The following GIGYF2 variants were observed in gnomAD, a reference collection of about 807,000 sequenced individuals.
The protein encoded by GIGYF2 is GRB10-interacting GYF protein 2.
A neutral mutation model predicts 208.1 loss-of-function variants in GIGYF2; 25 were observed. That is an observed-to-expected ratio of 0.12 (90% CI 0.09 to 0.17). The LOEUF (loss-of-function observed/expected upper bound fraction) is 0.17, where lower values mean the gene tolerates loss of function less well. Among genes scored for constraint, GIGYF2 ranks in the 10% least tolerant of loss-of-function variants. The pLI is 1.00. For missense variants in GIGYF2, 1,302 were observed against 1,579.4 expected (o/e 0.82, Z 2.98); for synonymous variants, 534 against 543.8 (o/e 0.98, Z 0.25).
At chr2:232,715,778 G>A (rs1035366299) in intron 2 of GIGYF2, among the ~76,000 whole-genome samples, 1 of 150,720 alleles carries the variant, frequency 6.6e-6, no homozygotes, top group African/African-American at 2.4e-5. Context: ...GGATGCCGAA[G>A]GAAAAGGTGT....
intron 21 of GIGYF2, among the ~76,000 whole-genome samples, chr2:232,822,549 C>T (rs1345895699): frequency 1.3e-5 from 2 of 152,166 alleles, no homozygotes; most frequent in African/African-American, 4.8e-5. Flanking sequence ...GGCGTGGTGG[C>T]GTGCGCCTGT....
intron 22 of GIGYF2, among the ~76,000 whole-genome samples, chr2:232,836,286 A>ATC: frequency 1.5e-4 from 1 of 6,496 alleles, no homozygotes; most frequent in South Asian, 2.0e-3. Flanking sequence ...ATATATATAT[A>ATC]TATATATATA....
chr2:232,748,078 C>T (rs991303416), intron 4 of GIGYF2, among the ~76,000 whole-genome samples: 1 of 152,080 alleles, frequency 6.6e-6, no homozygotes, highest in African/African-American at 2.4e-5. Flanking sequence ...TTTATTGTAC[C>T]TCTTATCCTA....
intron 14 of GIGYF2, among the ~76,000 whole-genome samples, chr2:232,802,999 A>G (rs984920116): frequency 5.9e-5 from 9 of 151,932 alleles, no homozygotes; most frequent in African/African-American, 2.2e-4. Context: ...TCCCGAGCTC[A>G]AGCAGTTCTC....
intron 5 of GIGYF2, among the ~76,000 whole-genome samples, chr2:232,755,386 G>A (rs1446996274): frequency 2.0e-5 from 3 of 152,108 alleles, no homozygotes; most frequent in Non-Finnish European, 4.4e-5. Context: ...GGCCAGGCTA[G>A]TCTCGAACTC....
chr2:232,769,355 AC>A (rs1395119532), intron 8 of GIGYF2, among the ~76,000 whole-genome samples: 2 of 151,684 alleles, frequency 1.3e-5, no homozygotes, highest in African/African-American at 4.8e-5. Context: ...ACATCATGAA[AC>A]CCCGTCTCTA....
chr2:232,772,767 T>TA (rs764542996), intron 8 of GIGYF2, among the ~76,000 whole-genome samples: 4 of 152,212 alleles, frequency 2.6e-5, no homozygotes, highest in Non-Finnish European at 5.9e-5. Flanking sequence ...TAGAGGTAGA[T>TA]ACCCTTGAGA....
chr2:232,804,450 C>T (rs1046317603), intron 14 of GIGYF2, among the ~76,000 whole-genome samples: 18 of 124,760 alleles, frequency 1.4e-4, no homozygotes, highest in Admixed American at 1.2e-3. Context: ...TTTTTGTTTT[C>T]TGTTTTTTTG....
At chr2:232,825,138 C>T (rs1463072053) in intron 21 of GIGYF2, among the ~76,000 whole-genome samples, 2 of 152,204 alleles carry the variant, frequency 1.3e-5, no homozygotes, top group Admixed American at 6.5e-5. Flanking sequence ...ATGTTGTTTT[C>T]ATCCATGCCA....
intron 26 of GIGYF2, 148 bp downstream of exon 26, chr2:232,846,034 A>G (rs1401942016): frequency 1.4e-6 from 1 of 691,212 alleles, no homozygotes; most frequent in Non-Finnish European, 2.6e-6. Context: ...TGACTCTTTA[A>G]TAGTATTACT....
chr2:232,734,705 A>AT (rs1353899256), intron 2 of GIGYF2, among the ~76,000 whole-genome samples: 2 of 152,186 alleles, frequency 1.3e-5, no homozygotes, highest in African/African-American at 4.8e-5. Flanking sequence ...GGCAGAAGCT[A>AT]TGTGATAGGT....
rs553907908 is a variant in GIGYF2 at position 232,723,637 on chromosome 2, G to A, written c.-43-11518G>A. ...TAGAGACGGGGGTTTCAACATATTG[G>A]CCAGGCTGGTCTTGAACGCCTGACC... is the stretch of plus-strand genomic sequence containing the variant. On this transcript the variant is annotated intron_variant, in intron 2 of 28. Transcript: ENST00000373563. Among the ~76,000 whole-genome samples, 15 of 151,334 alleles carry A rather than the reference G, an allele frequency of 9.9e-5. 1 individual carries two copies. The highest frequency in any genetic ancestry group is 4.2e-4 in the South Asian group (2 of 4,784).
rs773439252 is a variant in GIGYF2 at position 232,819,839 on chromosome 2, C to T, written c.2383C>T (p.Arg795Cys). Residue 795 changes from arginine (R) to cysteine (C), a missense_variant, in exon 21 of 29, where the codon CGT becomes TGT. Around this residue, in one of 8 missense-constraint regions of GIGYF2, gnomAD observed 701 missense variants for 793.0 expected, o/e 0.88. Transcript: ENST00000373563. ...CTTTTTTCCTTAGGAAGAGGCTCTG[C>T]GTCGCCAGCGGGAGCAAGAAATTGC... ...LARRKQEEAL[R>C]RQREQEIALR... 4.7e-5 allele frequency: 63 copies of T among 1,326,782 alleles called. No individual in the cohort carries two copies. The highest frequency in any genetic ancestry group is 2.3e-4 in the Middle Eastern group (1 of 4,378). The allele number at this position is 1,326,782 out of a possible 1,614,324, so 82.2% of individuals were successfully genotyped here. A position where few individuals can be genotyped will look rare whatever the true frequency, so the allele number is the denominator to read the frequency against.
chr2:232,814,602 G>C (rs989586699), intron 18 of GIGYF2, among the ~76,000 whole-genome samples: 1 of 135,386 alleles, frequency 7.4e-6, no homozygotes, highest in Admixed American at 8.8e-5. Flanking sequence ...TTCAGGCTAT[G>C]TCTATAAAGT....
chr2:232,732,221 C>A (rs576185599), intron 2 of GIGYF2, among the ~76,000 whole-genome samples: 3 of 152,254 alleles, frequency 2.0e-5, no homozygotes, highest in South Asian at 4.1e-4. Context: ...AATTTTTAAT[C>A]CCTTTTAGTA....
chr2:232,770,540 A>T (rs754470350), intron 8 of GIGYF2, among the ~76,000 whole-genome samples: 11 of 152,202 alleles, frequency 7.2e-5, no homozygotes, highest in Non-Finnish European at 1.6e-4. Flanking sequence ...TAGGTATTGA[A>T]TGTATTTATT....
At chr2:232,855,453 T>G (rs1690528804) in intron 28 of GIGYF2, among the ~76,000 whole-genome samples, 1 of 152,250 alleles carries the variant, frequency 6.6e-6, no homozygotes, top group South Asian at 2.1e-4. Context: ...CCAAATTCCC[T>G]TTTGGTTAAT....
At chr2:232,780,039 C>T (rs1699658414) in intron 8 of GIGYF2, among the ~76,000 whole-genome samples, 1 of 152,112 alleles carries the variant, frequency 6.6e-6, no homozygotes, top group African/African-American at 2.4e-5. Flanking sequence ...AAAGTCTGTC[C>T]CATAATTCCA....
chr2:232,706,282 T>A (rs1250074587), intron 2 of GIGYF2, among the ~76,000 whole-genome samples: 1 of 152,210 alleles, frequency 6.6e-6, no homozygotes, highest in African/African-American at 2.4e-5. Flanking sequence ...TTCTTAAATC[T>A]GGGTGTTGAC....
Sources: allele counts gnomAD v4.1 joint callset (sites outside exome capture counted in the v4.1 genomes callset), GRCh38; gene constraint gnomAD v4.1.1; regional missense constraint gnomAD v4.1.1; transcripts MANE v1.5; gene names NCBI Gene and HGNC (gene_info 2026-07-23, HGNC 2026-07-21).